KCNJ4: variants seen among roughly 807,000 people sequenced by gnomAD.
KCNJ4 encodes the protein potassium inwardly rectifying channel subfamily J member 4, also known as inward rectifier potassium channel 4.
In KCNJ4, 3 loss-of-function variants were observed where a neutral mutation model predicts 25.6. That is an observed-to-expected ratio of 0.12 (90% CI 0.05 to 0.30). The LOEUF is 0.30. Among genes scored for constraint, KCNJ4 ranks in the 10% least tolerant of loss-of-function variants. The pLI, the probability that KCNJ4 is intolerant of heterozygous loss-of-function variation, is 1.00. For synonymous variants in KCNJ4, 257 were observed against 283.9 expected, an observed-to-expected ratio of 0.91 and a Z score of 0.95; for missense variants, 286 against 666.8, an observed-to-expected ratio of 0.43 and a Z score of 6.29.
chr22:38,439,087 A>T (rs955826175), intron 1 of KCNJ4, among the ~76,000 whole-genome samples: 20 of 152,128 alleles, frequency 1.3e-4, no homozygotes, highest in Non-Finnish European at 2.9e-4. Context: ...CTCTACAAAA[A>T]ATTTAAGTTA....
chr22:38,428,223 C>T lies in KCNJ4; in HGVS notation c.-39-52G>A, dbSNP rs938408551. 62 of 1,453,090 alleles carry T rather than the reference C, an allele frequency of 4.3e-5. 1 individual carries two copies. The African/African-American group carries it at 6.6e-4, about 15-fold the overall frequency. 90.0% of individuals were successfully genotyped at this position (1,453,090 alleles called of 1,614,324 possible). On this transcript the variant is annotated intron_variant, in intron 1 of 1. Coordinates refer to ENST00000303592, the MANE Select transcript of KCNJ4 (RefSeq NM_152868.3). ...GATGCTGGGGAGCGAGGGGCTCCCT[C>T]GGGGCCACTCAGACTCAGCCCCAAG... is the stretch of plus-strand genomic sequence containing the variant.
intron 1 of KCNJ4, among the ~76,000 whole-genome samples, chr22:38,438,685 C>T (rs1426905056): frequency 1.4e-5 from 2 of 140,742 alleles, no homozygotes; most frequent in African/African-American, 2.6e-5. Flanking sequence ...AAGAGTCCTT[C>T]TGAAAAAAAA....
intron 1 of KCNJ4, among the ~76,000 whole-genome samples, chr22:38,451,970 C>T (rs2089412830): frequency 6.6e-6 from 1 of 152,232 alleles, no homozygotes. Flanking sequence ...TCCACGGGCC[C>T]CTGAGTGTCT....
At chr22:38,436,746 A>C in intron 1 of KCNJ4, among the ~76,000 whole-genome samples, 1 of 152,286 alleles carries the variant, frequency 6.6e-6, no homozygotes, top group South Asian at 2.1e-4. Context: ...TATCATTCTC[A>C]CAATGATCTC....
intron 1 of KCNJ4, among the ~76,000 whole-genome samples, chr22:38,430,971 C>A (rs1367063849): frequency 6.6e-6 from 1 of 152,242 alleles, no homozygotes; most frequent in Non-Finnish European, 1.5e-5. Flanking sequence ...CACTTCCTCC[C>A]TGCAGGGGGC....
At chr22:38,429,083 CAAAAAAAAAAA>C (rs10582408) in intron 1 of KCNJ4, among the ~76,000 whole-genome samples, 1 of 108,884 alleles carries the variant, frequency 9.2e-6, no homozygotes, top group Non-Finnish European at 1.9e-5. Flanking sequence ...GACCCCATGT[CAAAAAAAAAAA>C]AAAAAAAAAA....
intron 1 of KCNJ4, among the ~76,000 whole-genome samples, chr22:38,448,210 C>T (rs565872007): frequency 2.0e-5 from 3 of 148,610 alleles, no homozygotes; most frequent in Non-Finnish European, 4.4e-5. Context: ...TGTGCCATTG[C>T]ATTCCAGCCT....
intron 1 of KCNJ4, among the ~76,000 whole-genome samples, chr22:38,454,048 T>C: frequency 6.6e-6 from 1 of 151,972 alleles, no homozygotes; most frequent in East Asian, 1.9e-4. Context: ...GCCATGGAGG[T>C]CATGGGACTG....
At chr22:38,428,748 G>A (rs2093040457) in intron 1 of KCNJ4, among the ~76,000 whole-genome samples, 1 of 152,094 alleles carries the variant, frequency 6.6e-6, no homozygotes, top group Admixed American at 6.6e-5. Context: ...TGTGGTCAAC[G>A]GCCACCACAC....
rs900150387 is a variant in KCNJ4 at position 38,426,947 on chromosome 22, C to T, written c.1186G>A (p.Ala396Thr). ...TCCAGGCCCAGGCCTGCGGCCACCG[C>T]GGCCGCCGCAGCTGCCTCCTCCTCC... ...EMEEEAAAAA[A>T]VAAGLGLEAG... The change falls in exon 2 of 2, where the codon GCG becomes ACG. Residue 396 changes from alanine (A) to threonine (T), a missense_variant. This residue lies in a region of KCNJ4 where 77 missense variants were observed against 97.6 expected (regional missense o/e 0.79). Transcript: ENST00000303592. 6.8e-6 allele frequency: 11 copies of T among 1,612,480 alleles called. No homozygotes were observed. The highest frequency in any genetic ancestry group is 1.1e-5 in the South Asian group (1 of 91,060).
At chr22:38,430,862 G>A (rs2093047622) in intron 1 of KCNJ4, among the ~76,000 whole-genome samples, 1 of 152,230 alleles carries the variant, frequency 6.6e-6, no homozygotes, top group Non-Finnish European at 1.5e-5. Flanking sequence ...CGGAGACCAA[G>A]GACATCCAGA....
intron 1 of KCNJ4, among the ~76,000 whole-genome samples, chr22:38,451,570 G>A (rs1339925208): frequency 1.3e-5 from 2 of 152,114 alleles, no homozygotes; most frequent in Non-Finnish European, 2.9e-5. Flanking sequence ...TTCAGAGCTG[G>A]GCCCTCAAAG....
chr22:38,435,545 T>G (rs1432114313), intron 1 of KCNJ4, among the ~76,000 whole-genome samples: 2 of 151,798 alleles, frequency 1.3e-5, no homozygotes, highest in Non-Finnish European at 2.9e-5. Context: ...ATACAAAAAT[T>G]AGCCAGGCGT....
intron 1 of KCNJ4, among the ~76,000 whole-genome samples, chr22:38,438,407 G>T (rs1000524137): frequency 6.8e-6 from 1 of 147,434 alleles, no homozygotes; most frequent in Non-Finnish European, 1.5e-5. Context: ...GAAAGAAAAA[G>T]GGCCTGGTGC....
In KCNJ4 at chr22:38,433,728, G is replaced by A. The variant is rs1003939040; in HGVS notation, c.-39-5557C>T. The stretch of plus-strand genomic sequence containing the variant: ...AAGAACAGGGCATGGCACCGTGTCC[G>A]AGGTGGCACAGTAAGTCAACAGCTG... On this transcript the variant is annotated intron_variant, in intron 1 of 1. Coordinates refer to ENST00000303592, the MANE Select transcript of KCNJ4 (RefSeq NM_152868.3). Among the ~76,000 whole-genome samples the A allele has an allele frequency of 3.3e-5, 5 of 152,154 alleles. No individual in the cohort carries two copies. In the East Asian group the frequency reaches 7.7e-4, roughly 23 times the overall value.
chr22:38,442,735 G>A (rs1168105327), intron 1 of KCNJ4, among the ~76,000 whole-genome samples: 1 of 152,066 alleles, frequency 6.6e-6, no homozygotes, highest in Non-Finnish European at 1.5e-5. Context: ...GTAAAGTGCA[G>A]AAGCCTTTCT....
chr22:38,427,661 T>C lies in KCNJ4; in HGVS notation c.472A>G (p.Ile158Val). The change falls in exon 2 of 2, where the codon ATC becomes GTC. Residue 158 changes from isoleucine to valine, a missense_variant. This residue lies in a region of KCNJ4 where 29 missense variants were observed against 107.7 expected (regional missense o/e 0.27). Coordinates refer to ENST00000303592, the MANE Select transcript of KCNJ4 (RefSeq NM_152868.3). Reference sequence around the variant, plus strand: ...AAGGAGTCGATGACGCAGCCCACGATGGACTGGACCACCACAGCGATGACT... The same window carrying C: ...AAGGAGTCGATGACGCAGCCCACGACGGACTGGACCACCACAGCGATGACT... ...LAVIAVVVQS[I>V]VGCVIDSFMI... 6.2e-7 allele frequency: 1 copy of C among 1,613,144 alleles called. No homozygotes were observed. The highest frequency in any genetic ancestry group is 8.5e-7 in the Non-Finnish European group (1 of 1,179,970).
chr22:38,446,970 AG>A (rs1352774662), intron 1 of KCNJ4, among the ~76,000 whole-genome samples: 1 of 143,068 alleles, frequency 7.0e-6, no homozygotes, highest in African/African-American at 2.6e-5. Flanking sequence ...AAAAAAAAAA[AG>A]AAACAGAGGC....
intron 1 of KCNJ4, among the ~76,000 whole-genome samples, chr22:38,437,853 A>G (rs1196939424): frequency 6.6e-6 from 1 of 152,136 alleles, no homozygotes; most frequent in East Asian, 1.9e-4. Context: ...CTGTAATCCT[A>G]GCACTTTGGG....
Sources: gnomAD v4.1 joint callset for allele counts (sites outside exome capture counted in the v4.1 genomes callset) on GRCh38, gnomAD v4.1.1 for gene constraint, gnomAD v4.1.1 regional missense constraint, MANE v1.5 for transcripts, NCBI Gene and HGNC (gene_info 2026-07-23, HGNC 2026-07-21) for gene names.